The following ULK2 variants were observed in gnomAD, a reference collection of about 807,000 sequenced individuals.
The protein encoded by ULK2 is serine/threonine-protein kinase ULK2.
ULK2 carries 76 observed loss-of-function variants against 127.5 expected under a neutral mutation model. The observed-to-expected ratio is 0.60, with a 90% CI of 0.50 to 0.72. The LOEUF (loss-of-function observed/expected upper bound fraction) is 0.72, where lower values mean the gene tolerates loss of function less well. Among genes scored for constraint, ULK2 ranks in the 30% least tolerant of loss-of-function variants. ULK2 has a pLI of 0.00. For missense variants in ULK2, 1,144 were observed against 1,295.9 expected (o/e 0.88, Z 1.80); for synonymous variants, 452 against 461.9 (o/e 0.98, Z 0.28).
rs768792258 is a variant in ULK2 at position 19,777,750 on chromosome 17, A to AT, written c.2917-35dup. ...AGTCAACAAAAACACAATTCTCTCA[A>AT]TTTTTCCAAGAAAATACAAATCCAT... is the stretch of plus-strand genomic sequence containing the variant. On this transcript the variant is annotated intron_variant, in intron 25 of 26. Coordinates refer to ENST00000395544, the MANE Select transcript of ULK2 (RefSeq NM_014683.4). 24 of 1,575,080 alleles carry AT rather than the reference A, an allele frequency of 1.5e-5. No individual in the cohort carries two copies. In the African/African-American group the frequency reaches 3.3e-4, roughly 22 times the overall value.
At chr17:19,849,639 T>C (rs1393383848) in intron 4 of ULK2, 103 bp downstream of exon 4, 5 of 922,346 alleles carry the variant, frequency 5.4e-6, no homozygotes, top group Non-Finnish European at 8.0e-6. Context: ...TTAAAGTTCA[T>C]ATTAATCAAA....
intron 10 of ULK2, among the ~76,000 whole-genome samples, chr17:19,828,407 T>C (rs1393098152): frequency 6.6e-6 from 1 of 152,234 alleles, no homozygotes; most frequent in Non-Finnish European, 1.5e-5. Context: ...TTTCACTTTC[T>C]ACAGAGTTTA....
chr17:19,814,440 T>TACATATATATA (rs1567696572), intron 13 of ULK2, among the ~76,000 whole-genome samples: 19 of 7,076 alleles, frequency 2.7e-3, no homozygotes, highest in African/African-American at 7.1e-3. Flanking sequence ...ATATATATAT[T>TACATATATATA]TTTTTTTTTT....
At chr17:19,821,288 C>T (rs1694673875) in intron 12 of ULK2, among the ~76,000 whole-genome samples, 1 of 152,136 alleles carries the variant, frequency 6.6e-6, no homozygotes, top group Non-Finnish European at 1.5e-5. Context: ...GCCTGGGTGA[C>T]AGAGTGAGAC....
chr17:19,777,673 T>C lies in ULK2; in HGVS notation c.2960A>G (p.Asp987Gly), dbSNP rs752125037. 6.2e-7 allele frequency: 1 copy of C among 1,613,940 alleles called. No homozygotes were observed. Among genetic ancestry groups the C allele is most frequent in the Admixed American group, 1.7e-5 (1 of 59,974 alleles). ...TGCCTTATGATAGCGATAAACAATA[T>C]CTTCGGTCTGCTGAAACATCTCATC... Reference protein sequence around the residue: ...ALDEMFQQTEDIVYRYHKAAL... With the variant: ...ALDEMFQQTEGIVYRYHKAAL... Residue 987 changes from aspartate to glycine, a missense_variant, in exon 26 of 27, where the codon GAT becomes GGT. Coordinates refer to ENST00000395544, the MANE Select transcript of ULK2 (RefSeq NM_014683.4).
At chr17:19,836,780 C>T (rs1365403974) in intron 10 of ULK2, among the ~76,000 whole-genome samples, 1 of 151,552 alleles carries the variant, frequency 6.6e-6, no homozygotes, top group Non-Finnish European at 1.5e-5. Context: ...GTGGCGGGCG[C>T]CTGTAATCCC....
chr17:19,837,634 A>C (rs753881849), intron 10 of ULK2, among the ~76,000 whole-genome samples: 12 of 152,156 alleles, frequency 7.9e-5, no homozygotes, highest in Non-Finnish European at 1.5e-5. Context: ...GTAATCGACA[A>C]CATCCTTTCA....
At chr17:19,850,685 C>A (rs930464831) in intron 3 of ULK2, among the ~76,000 whole-genome samples, 1 of 151,864 alleles carries the variant, frequency 6.6e-6, no homozygotes, top group African/African-American at 2.4e-5. Flanking sequence ...ATTAGCCGGG[C>A]GTGGTGGCGG....
intron 14 of ULK2, 83 bp from the exon 15 acceptor site, chr17:19,804,913 G>C (rs554003994): frequency 6.8e-7 from 1 of 1,465,448 alleles, no homozygotes; most frequent in East Asian, 2.4e-5. Context: ...TATATTTAGA[G>C]AAAATTCCAG....
chr17:19,840,720 A>T (rs1256679215), intron 9 of ULK2, among the ~76,000 whole-genome samples: 1 of 151,202 alleles, frequency 6.6e-6, no homozygotes, highest in Non-Finnish European at 1.5e-5. Flanking sequence ...CCACTAAAAA[A>T]AAAAAAAAAA....
At chr17:19,796,004 A>G (rs572214432) in intron 19 of ULK2, 91 bp downstream of exon 19, 7 of 1,504,916 alleles carry the variant, frequency 4.7e-6, no homozygotes, top group Admixed American at 2.2e-5. Context: ...CACCCGCTAC[A>G]CTAATGTAGT....
intron 12 of ULK2, among the ~76,000 whole-genome samples, 178 bp from the exon 13 acceptor site, chr17:19,817,098 A>C (rs1271884031): frequency 1.3e-5 from 2 of 152,220 alleles, no homozygotes; most frequent in African/African-American, 4.8e-5. Flanking sequence ...TTTCTTTTAA[A>C]AGTGTTTGCA....
intron 10 of ULK2, among the ~76,000 whole-genome samples, chr17:19,827,203 A>G (rs1209950950): frequency 6.6e-6 from 1 of 152,224 alleles, no homozygotes; most frequent in Non-Finnish European, 1.5e-5. Context: ...AATTACAGCT[A>G]TCCTCTACTG....
Position 19,781,032 on chromosome 17 carries a change from G to A in ULK2, c.2712C>T (p.Ala904=). ...LLAASLHLAK[A]QIKSGKLSPS... ...GGCTCAGTTTCCCGGACTTGATCTG[G>A]GCTTTGGCAAGATGCAGAGAAGCCG... Residue 904 remains alanine, a synonymous_variant, in exon 24 of 27, where the codon GCC becomes GCT. Coordinates refer to ENST00000395544, the MANE Select transcript of ULK2 (RefSeq NM_014683.4). The A allele has an allele frequency of 6.2e-7, 1 of 1,613,972 alleles. No individual in the cohort carries two copies. Among genetic ancestry groups the A allele is most frequent in the Non-Finnish European group, 8.5e-7 (1 of 1,180,008 alleles).
At chr17:19,808,730 C>T (rs1337929669) in intron 14 of ULK2, among the ~76,000 whole-genome samples, 5 of 152,198 alleles carry the variant, frequency 3.3e-5, no homozygotes, top group Non-Finnish European at 5.9e-5. Flanking sequence ...AATGAGGTAT[C>T]ACCTCACACT....
chr17:19,815,399 C>A (rs1006456531), intron 13 of ULK2, among the ~76,000 whole-genome samples: 15 of 152,106 alleles, frequency 9.9e-5, no homozygotes, highest in African/African-American at 3.4e-4. Context: ...TCTCCAGCCT[C>A]AGCCTCCCGA....
intron 21 of ULK2, among the ~76,000 whole-genome samples, chr17:19,784,387 G>A (rs923854977): frequency 2.0e-5 from 3 of 151,950 alleles, no homozygotes. Context: ...GTATAAGAAG[G>A]AATGGAATTA....
intron 16 of ULK2, 81 bp from the exon 17 acceptor site, chr17:19,799,656 T>C: frequency 3.1e-6 from 4 of 1,308,996 alleles, no homozygotes; most frequent in Non-Finnish European, 3.1e-6. Context: ...AGGCAACACA[T>C]GCACAAATTG....
chr17:19,792,809 T>G (rs2152384449), intron 20 of ULK2, among the ~76,000 whole-genome samples: 1 of 151,766 alleles, frequency 6.6e-6, no homozygotes, highest in South Asian at 2.1e-4. Context: ...ATATGGAAAC[T>G]CAAGGCACCC....
Sources: allele counts gnomAD v4.1 joint callset (sites outside exome capture counted in the v4.1 genomes callset), GRCh38; gene constraint gnomAD v4.1.1; transcripts MANE v1.5; gene names NCBI Gene and HGNC (gene_info 2026-07-23, HGNC 2026-07-21).